The following FER variants were observed in gnomAD, a reference collection of about 807,000 sequenced individuals.
The protein encoded by FER is tyrosine-protein kinase Fer.
Under a neutral mutation model 111.0 loss-of-function variants are expected in FER, and 63 were observed. The observed-to-expected ratio is 0.57, with a 90% CI of 0.46 to 0.70. The LOEUF is 0.70. Among genes scored for constraint, FER ranks in the 30% least tolerant of loss-of-function variants. The probability of loss-of-function intolerance (pLI) is 0.00; values close to 1 mark genes in which losing one functional copy is unlikely to be tolerated. For missense variants in FER, 914 were observed against 954.0 expected (o/e 0.96, Z 0.55); for synonymous variants, 327 against 313.9 (o/e 1.04, Z -0.44).
intron 17 of FER, among the ~76,000 whole-genome samples, chr5:109,156,347 C>T (rs1056213634): frequency 6.6e-6 from 1 of 152,046 alleles, no homozygotes; most frequent in African/African-American, 2.4e-5. Context: ...CCAAACACTA[C>T]ACTCAGGAAG....
intron 10 of FER, among the ~76,000 whole-genome samples, chr5:108,945,643 T>C (rs1258280132): frequency 6.6e-6 from 1 of 152,050 alleles, no homozygotes; most frequent in African/African-American, 2.4e-5. Context: ...TTGGGAAACT[T>C]CCTAGGTACT....
chr5:109,066,711 C>A (rs1419402767), intron 16 of FER, among the ~76,000 whole-genome samples: 1 of 152,072 alleles, frequency 6.6e-6, no homozygotes. Flanking sequence ...TCTTTATAAA[C>A]CTGTTATGAG....
intron 17 of FER, among the ~76,000 whole-genome samples, chr5:109,176,565 A>G (rs1398805824): frequency 2.0e-5 from 3 of 152,178 alleles, no homozygotes; most frequent in Non-Finnish European, 2.9e-5. Context: ...GGTGTTCTGT[A>G]GCAGTGTAGA....
At chr5:109,118,143 G>C (rs560266498) in intron 17 of FER, among the ~76,000 whole-genome samples, 1 of 152,182 alleles carries the variant, frequency 6.6e-6, no homozygotes, top group South Asian at 2.1e-4. Flanking sequence ...TTGGCTGTGG[G>C]TTTGTCATAG....
At chr5:108,805,451 G>T (rs1429115557) in intron 3 of FER, among the ~76,000 whole-genome samples, 1 of 152,216 alleles carries the variant, frequency 6.6e-6, no homozygotes, top group Non-Finnish European at 1.5e-5. Context: ...ACCTGAAAAT[G>T]TGGTAATGAC....
At chr5:109,142,840 A>G (rs915808505) in intron 17 of FER, among the ~76,000 whole-genome samples, 3 of 152,194 alleles carry the variant, frequency 2.0e-5, no homozygotes, top group African/African-American at 7.2e-5. Flanking sequence ...GTTGTGTTTT[A>G]TATTAAAATG....
chr5:109,015,063 C>G (rs1333061034), intron 13 of FER: 1 of 152,012 alleles, frequency 6.6e-6, no homozygotes, highest in African/African-American at 2.4e-5. Flanking sequence ...TAATTTCAGA[C>G]TCAATCTAGT....
chr5:109,053,054 G>A (rs1056422462), intron 16 of FER, among the ~76,000 whole-genome samples: 4 of 152,126 alleles, frequency 2.6e-5, no homozygotes, highest in African/African-American at 9.7e-5. Flanking sequence ...AATTCATTAT[G>A]TAATATCACA....
At chr5:108,762,727 A>G (rs1053415644) in intron 1 of FER, among the ~76,000 whole-genome samples, 2 of 151,708 alleles carry the variant, frequency 1.3e-5, no homozygotes, top group Admixed American at 1.3e-4. Flanking sequence ...TTTTTTTACT[A>G]TTTTCTCCAC....
At chr5:108,947,083 A>G (rs966324347) in intron 11 of FER, among the ~76,000 whole-genome samples, 5 of 151,988 alleles carry the variant, frequency 3.3e-5, no homozygotes, top group Non-Finnish European at 5.9e-5. Flanking sequence ...CATATTGTCT[A>G]TCTATTCACC....
At chr5:108,750,003 T>C (rs917813121) in intron 1 of FER, among the ~76,000 whole-genome samples, 5 of 152,230 alleles carry the variant, frequency 3.3e-5, no homozygotes, top group East Asian at 1.9e-4. Flanking sequence ...CTTCGCCTTA[T>C]GGTTAAAAAA....
At chr5:108,932,556 C>G (rs1754837698) in intron 10 of FER, among the ~76,000 whole-genome samples, 1 of 152,122 alleles carries the variant, frequency 6.6e-6, no homozygotes, top group Non-Finnish European at 1.5e-5. Context: ...ATTGCTGGGT[C>G]AAATGGTATT....
At chr5:109,116,364 GC>G (rs1256041746) in intron 17 of FER, among the ~76,000 whole-genome samples, 3 of 149,444 alleles carry the variant, frequency 2.0e-5, no homozygotes, top group African/African-American at 7.4e-5. Context: ...TGTTTCTGTT[GC>G]TTCATAGATT....
intron 5 of FER, among the ~76,000 whole-genome samples, chr5:108,848,408 T>A (rs1043404041): frequency 2.6e-5 from 4 of 152,188 alleles, no homozygotes; most frequent in Non-Finnish European, 5.9e-5. Context: ...ACTTTGCCTT[T>A]ATTCTACCTT....
chr5:109,039,657 G>A (rs925119245), intron 14 of FER, among the ~76,000 whole-genome samples: 2 of 152,072 alleles, frequency 1.3e-5, no homozygotes, highest in Admixed American at 6.6e-5. Context: ...TCTATGCAGA[G>A]TAAACAGCCA....
intron 16 of FER, among the ~76,000 whole-genome samples, chr5:109,059,796 T>C (rs1335087423): frequency 6.6e-6 from 1 of 152,150 alleles, no homozygotes; most frequent in African/African-American, 2.4e-5. Flanking sequence ...TAAATAAAAA[T>C]CTTTCATATG....
intron 13 of FER, among the ~76,000 whole-genome samples, chr5:108,960,900 A>G (rs142399960): frequency 6.6e-6 from 1 of 152,190 alleles, no homozygotes; most frequent in East Asian, 1.9e-4. Flanking sequence ...CTAACACTCT[A>G]GGTTACAATT....
intron 9 of FER, among the ~76,000 whole-genome samples, chr5:108,885,797 C>T (rs1005818178): frequency 1.3e-5 from 2 of 151,786 alleles, no homozygotes; most frequent in East Asian, 1.9e-4. Flanking sequence ...AAATGGGAAT[C>T]GATGAGCCCT....
intron 13 of FER, among the ~76,000 whole-genome samples, chr5:109,019,952 G>A (rs1767710365): frequency 1.3e-5 from 2 of 151,798 alleles, no homozygotes; most frequent in Admixed American, 6.6e-5. Context: ...TTTTCCTAAT[G>A]TACTTTGCAA....
Sources: gnomAD v4.1 joint callset for allele counts (sites outside exome capture counted in the v4.1 genomes callset) on GRCh38, gnomAD v4.1.1 for gene constraint, MANE v1.5 for transcripts, NCBI Gene and HGNC (gene_info 2026-07-23, HGNC 2026-07-21) for gene names.